SCML4: variants seen among roughly 807,000 people sequenced by gnomAD.
SCML4 encodes the protein Scm polycomb group protein like 4.
SCML4 carries 34 observed loss-of-function variants against 41.1 expected under a neutral mutation model. The observed-to-expected ratio is 0.83, with a 90% CI of 0.63 to 1.10. The LOEUF (loss-of-function observed/expected upper bound fraction) is 1.10, where lower values mean the gene tolerates loss of function less well. Among genes scored for constraint, SCML4 ranks in the 50% least tolerant of loss-of-function variants. The pLI is 0.00. For synonymous variants in SCML4, 214 were observed against 220.9 expected, an observed-to-expected ratio of 0.97 and a Z score of 0.28; for missense variants, 522 against 534.1, an observed-to-expected ratio of 0.98 and a Z score of 0.22.
At chr6:107,762,145 T>G (rs1209021799) in intron 2 of SCML4, among the ~76,000 whole-genome samples, 1 of 152,200 alleles carries the variant, frequency 6.6e-6, no homozygotes, top group Non-Finnish European at 1.5e-5. Context: ...GTCCTTGTAT[T>G]ATTTAGGAAG....
intron 1 of SCML4, among the ~76,000 whole-genome samples, chr6:107,818,424 C>A (rs1370781160): frequency 2.0e-5 from 3 of 152,200 alleles, no homozygotes; most frequent in Non-Finnish European, 4.4e-5. Context: ...GATCAATAAA[C>A]CCAATGCATT....
At chr6:107,756,367 CT>C (rs1779112439) in intron 2 of SCML4, among the ~76,000 whole-genome samples, 1 of 152,208 alleles carries the variant, frequency 6.6e-6, no homozygotes. Context: ...CCCAAGCCCC[CT>C]AACCCTAGTC....
chr6:107,797,701 T>C (rs1782813111), intron 1 of SCML4, among the ~76,000 whole-genome samples: 1 of 152,028 alleles, frequency 6.6e-6, no homozygotes, highest in Non-Finnish European at 1.5e-5. Flanking sequence ...CATCCATGCT[T>C]GTTCCTGATT....
rs1442229369 is a variant in SCML4, at chr6:107,764,600, A to T, written c.156+7572T>A. On this transcript the variant is annotated intron_variant, in intron 2 of 7. Transcript: ENST00000369020. ...GAAGGAATGGTTTCATTTCCTCCTCACCGAAGGAACCCAAGAGAGGAGACA... is the reference window on the plus strand; with the variant it reads ...GAAGGAATGGTTTCATTTCCTCCTCTCCGAAGGAACCCAAGAGAGGAGACA... Among the ~76,000 whole-genome samples the T allele has an allele frequency of 2.0e-5, 3 of 152,134 alleles. No individual in the cohort carries two copies. In the South Asian group the frequency reaches 6.2e-4, roughly 32 times the overall value.
intron 2 of SCML4, among the ~76,000 whole-genome samples, chr6:107,768,195 A>C (rs1161748842): frequency 2.6e-5 from 4 of 152,112 alleles, no homozygotes; most frequent in Non-Finnish European, 5.9e-5. Context: ...TCAAGGCTAC[A>C]GTGAGCTGTG....
At chr6:107,815,174 G>C (rs1452115435) in intron 1 of SCML4, among the ~76,000 whole-genome samples, 1 of 152,200 alleles carries the variant, frequency 6.6e-6, no homozygotes, top group East Asian at 1.9e-4. Context: ...GTGCTCAACA[G>C]TGATGGTAAC....
intron 2 of SCML4, among the ~76,000 whole-genome samples, chr6:107,750,358 A>G (rs1353620190): frequency 6.6e-6 from 1 of 152,256 alleles, no homozygotes; most frequent in Non-Finnish European, 1.5e-5. Context: ...GGATGTGGAC[A>G]CAAGAGTGGG....
the SCML4 span, among the ~76,000 whole-genome samples, chr6:107,839,232 A>G: frequency 6.6e-6 from 1 of 151,666 alleles, no homozygotes; most frequent in Admixed American, 6.6e-5. Flanking sequence ...AGACTGAGGC[A>G]GCAGTGAGCC....
At chr6:107,772,662 C>T (rs549073296) in intron 1 of SCML4, among the ~76,000 whole-genome samples, 11 of 152,256 alleles carry the variant, frequency 7.2e-5, no homozygotes, top group Non-Finnish European at 1.3e-4. Context: ...TTTCCCAGCT[C>T]CAAACACAGC....
rs1773421952 is a variant in SCML4 at position 107,704,505 on chromosome 6, T to C, written c.*695A>G. 6.6e-6 allele frequency: 1 copy of C among 152,320 alleles called. No homozygotes were observed. The highest frequency in any genetic ancestry group is 1.5e-5 in the Non-Finnish European group (1 of 68,140). 9.4% of individuals were successfully genotyped at this position (152,320 alleles called of 1,614,324 possible). A position where few individuals can be genotyped will look rare whatever the true frequency, so the allele number is the denominator to read the frequency against. On this transcript the variant is annotated 3_prime_UTR_variant, in exon 8 of 8. Coordinates refer to ENST00000369020, the MANE Select transcript of SCML4 (RefSeq NM_198081.5). ...ATCCCCTGTTTCTGTGTGGGCTAGA[T>C]CTTGTTCACAGACACCCTAACCCAT...
intron 2 of SCML4, among the ~76,000 whole-genome samples, chr6:107,768,523 T>C (rs965290219): frequency 2.1e-4 from 32 of 152,234 alleles, no homozygotes; most frequent in Non-Finnish European, 3.4e-4. Flanking sequence ...TTCTCTTTTT[T>C]GACTTGAGAA....
intron 6 of SCML4, among the ~76,000 whole-genome samples, chr6:107,717,037 C>T (rs1225309218): frequency 1.3e-5 from 2 of 150,534 alleles, no homozygotes; most frequent in South Asian, 2.1e-4. Context: ...GGGTGGCTCA[C>T]GCCTGTGGTC....
chr6:107,821,296 C>T lies in SCML4; in HGVS notation c.-60+2830G>A, dbSNP rs554479569. On this transcript the variant is annotated intron_variant, in intron 1 of 7. Coordinates refer to ENST00000369020, the MANE Select transcript of SCML4 (RefSeq NM_198081.5). ...TGATTTAATCCCCCTCTTCTCTCCT[C>T]ACCTGTCTGCTTTTGAAGGCAATGA... Among the ~76,000 whole-genome samples the T allele has an allele frequency of 1.1e-3, 172 of 152,308 alleles. 2 individuals are homozygous for T. Among genetic ancestry groups the T allele is most frequent in the African/African-American group, 3.7e-3 (152 of 41,562 alleles).
intron 1 of SCML4, among the ~76,000 whole-genome samples, chr6:107,823,818 T>C (rs1000245776): frequency 1.3e-5 from 2 of 152,156 alleles, no homozygotes; most frequent in African/African-American, 4.8e-5. Context: ...AAAATAACTT[T>C]CTAGGTATTT....
the SCML4 span, among the ~76,000 whole-genome samples, chr6:107,832,072 AAAAG>A: frequency 6.6e-6 from 1 of 150,642 alleles, no homozygotes; most frequent in Admixed American, 6.6e-5. Flanking sequence ...CAAAAAAAAA[AAAAG>A]AAAGAAAGAA....
chr6:107,764,730 T>A (rs968888611), intron 2 of SCML4, among the ~76,000 whole-genome samples: 15 of 152,216 alleles, frequency 9.9e-5, no homozygotes, highest in Non-Finnish European at 1.9e-4. Flanking sequence ...AAATCTCATC[T>A]TGAATTGTAG....
intron 2 of SCML4, among the ~76,000 whole-genome samples, chr6:107,759,804 G>C (rs1418736129): frequency 6.6e-6 from 1 of 152,020 alleles, no homozygotes; most frequent in African/African-American, 2.4e-5. Flanking sequence ...TTGGGAGAGG[G>C]CATGAAGAAA....
chr6:107,714,712 G>A (rs561557796), intron 6 of SCML4, among the ~76,000 whole-genome samples: 5 of 152,210 alleles, frequency 3.3e-5, no homozygotes, highest in Middle Eastern at 6.8e-3. Context: ...AAAACACCTC[G>A]TTGAGCTGTT....
chr6:107,834,082 A>G, the SCML4 span, among the ~76,000 whole-genome samples: 1 of 152,242 alleles, frequency 6.6e-6, no homozygotes, highest in Non-Finnish European at 1.5e-5. Context: ...AAAGTGGATG[A>G]GCAAGAGGTA....
Sources: allele counts gnomAD v4.1 joint callset (sites outside exome capture counted in the v4.1 genomes callset), GRCh38; gene constraint gnomAD v4.1.1; transcripts MANE v1.5; gene names NCBI Gene and HGNC (gene_info 2026-07-23, HGNC 2026-07-21).